The following CELSR2 variants were observed in gnomAD, a reference collection of about 807,000 sequenced individuals.
The protein encoded by CELSR2 is cadherin EGF LAG seven-pass G-type receptor 2.
In CELSR2, 81 loss-of-function variants were observed where a neutral mutation model predicts 251.6. That is an observed-to-expected ratio of 0.32 (90% CI 0.27 to 0.39). The LOEUF is 0.39. CELSR2 is among the 10% of genes least tolerant of loss of function. CELSR2 has a pLI of 1.00. For missense variants in CELSR2, 3,365 were observed against 3,947.7 expected (o/e 0.85, Z 3.96); for synonymous variants, 1,721 against 1,670.5 (o/e 1.03, Z -0.74).
rs751488741 is a variant in CELSR2, at chr1:109,252,761, G to A, written c.2682G>A (p.Val894=). 3.3e-5 allele frequency: 54 copies of A among 1,613,914 alleles called. No homozygotes were observed. The highest frequency in any genetic ancestry group is 4.2e-5 in the Non-Finnish European group (50 of 1,180,044). ...AGTATGTCTTGCGGGCATATGCAGT[G>A]GACAAGGGGATGCCCCCAGCCCGCA... is the stretch of plus-strand genomic sequence containing the variant. ...VAQYVLRAYA[V]DKGMPPARTP... is the part of the protein sequence containing the mutation. The change falls in exon 1 of 34, where the codon GTG becomes GTA. Residue 894 remains valine (V), a synonymous_variant. Transcript: ENST00000271332. This position sits in a 1 kb window ranked among gnomAD's most constrained non-coding sequence, Gnocchi z 4.8.
Position 109,250,098 on chromosome 1 carries a change from G to T in CELSR2, c.19G>T (p.Gly7Cys), listed in dbSNP as rs1655635367. MRSPAT[G>C]VPLPTPPPPL... The stretch of plus-strand genomic sequence containing the variant: ...GGGAGAGATGCGGAGCCCGGCCACC[G>T]GCGTCCCCCTCCCAACGCCGCCGCC... The change falls in exon 1 of 34, where the codon GGC (glycine) becomes TGC (cysteine). Residue 7 changes from glycine to cysteine, a missense_variant. Around this residue, in one of 5 missense-constraint regions of CELSR2, gnomAD observed 704 missense variants for 784.1 expected, o/e 0.90. Transcript: ENST00000271332. The surrounding 1 kb of genome is among the most constrained non-coding windows in gnomAD (Gnocchi z 4.4). The T allele has an allele frequency of 6.5e-7, 1 of 1,536,510 alleles. No individual in the cohort carries two copies. Among genetic ancestry groups the T allele is most frequent in the East Asian group, 2.5e-5 (1 of 40,052 alleles).
chr1:109,267,830 C>G, intron 16 of CELSR2, 21 bp from the exon 17 acceptor site: 1 of 1,591,824 alleles, frequency 6.3e-7, no homozygotes, highest in Non-Finnish European at 8.6e-7. Context: ...CACTCCTGCT[C>G]CTCCGCTCCG....
In CELSR2 at chr1:109,252,485, G is replaced by C; in HGVS notation, c.2406G>C (p.Glu802Asp). Residue 802 changes from glutamate (E) to aspartate (D), a missense_variant, in exon 1 of 34, where the codon GAG (glutamate) becomes GAC (aspartate). Physicochemically the swap from Glu to Asp is conservative, Grantham distance 45 (BLOSUM62 2). Around this residue, in one of 5 missense-constraint regions of CELSR2, gnomAD observed 505 missense variants for 660.0 expected, o/e 0.77. Coordinates refer to ENST00000271332, the MANE Select transcript of CELSR2 (RefSeq NM_001408.3). This position sits in a 1 kb window ranked among gnomAD's most constrained non-coding sequence, Gnocchi z 4.8. ...IPQKSDTTYLEILVNDVNDNA... is the reference protein window; with the variant it reads ...IPQKSDTTYLDILVNDVNDNA... ...AGAAGTCCGACACCACCTACCTGGA[G>C]ATCCTGGTGAACGACGTGAATGACA... 1 of 1,613,916 alleles carries C rather than the reference G, an allele frequency of 6.2e-7. No individual in the cohort carries two copies. The highest frequency in any genetic ancestry group is 8.5e-7 in the Non-Finnish European group (1 of 1,180,042).
chr1:109,261,118 C>T lies in CELSR2; in HGVS notation c.4035C>T (p.Asn1345=). ...GCAAGAATGGGGGCACCTGTGTCAA[C>T]CTGCTGGTGGGCGGTTTCAAGTGCG... ...GVCKNGGTCV[N]LLVGGFKCDC... The change falls in exon 3 of 34, where the codon AAC becomes AAT. Residue 1345 remains asparagine, a synonymous_variant. Coordinates refer to ENST00000271332, the MANE Select transcript of CELSR2 (RefSeq NM_001408.3). This position sits in a 1 kb window ranked among gnomAD's most constrained non-coding sequence, Gnocchi z 4.8. 2.5e-6 allele frequency: 4 copies of T among 1,614,178 alleles called. No homozygotes were observed. The highest frequency in any genetic ancestry group is 1.7e-6 in the Non-Finnish European group (2 of 1,180,016).
At chr1:109,255,555 C>A (rs757248405) in intron 1 of CELSR2, among the ~76,000 whole-genome samples, 1 of 152,246 alleles carries the variant, frequency 6.6e-6, no homozygotes, top group Non-Finnish European at 1.5e-5. Context: ...GCAGAGCCCT[C>A]TTGGCCTCCA....
rs1337772113 is a variant in CELSR2, at chr1:109,249,543, A to T, written c.-537A>T. The stretch of plus-strand genomic sequence containing the variant: ...ATGAGCCGCCGCCGCGACTCTGCAG[A>T]GCTCGCCCGCCCGCCGGGGAGGCGA... On this transcript the variant is annotated 5_prime_UTR_variant, in exon 1 of 34. Coordinates refer to ENST00000271332, the MANE Select transcript of CELSR2 (RefSeq NM_001408.3). Among the ~76,000 whole-genome samples the T allele has an allele frequency of 1.3e-5, 2 of 149,986 alleles. No individual in the cohort carries two copies. Among genetic ancestry groups the T allele is most frequent in the East Asian group, 4.1e-4 (2 of 4,936 alleles).
Position 109,263,627 on chromosome 1 carries a change from G to A in CELSR2, c.4851G>A (p.Gln1617=), listed in dbSNP as rs1314453403. The change falls in exon 9 of 34, where the codon CAG becomes CAA. Residue 1617 remains glutamine, a synonymous_variant. Coordinates refer to ENST00000271332, the MANE Select transcript of CELSR2 (RefSeq NM_001408.3). Reference sequence around the variant, plus strand: ...CCTCCCCAGAAATGGCCAATCCACAGCACTTCCTGGGCAGCAGCCTGGTGG... The same window carrying A: ...CCTCCCCAGAAATGGCCAATCCACAACACTTCCTGGGCAGCAGCCTGGTGG... ...KSCAQEMANP[Q]HFLGSSLVAW... is the part of the protein sequence containing the mutation. The A allele has an allele frequency of 1.2e-6, 2 of 1,613,958 alleles. No homozygotes were observed.
In CELSR2 at chr1:109,264,420, C is replaced by A. The variant is rs200476125; in HGVS notation, c.5290-34C>A. 1.2e-4 allele frequency: 189 copies of A among 1,599,816 alleles called. No individual in the cohort carries two copies. In the East Asian group the frequency reaches 4.0e-3, roughly 34 times the overall value. ...CTCCCCCACCACCTGCAGCCCCGCT[C>A]CACTGAGGGCAACACTGCTCCTGTC... is the stretch of plus-strand genomic sequence containing the variant. On this transcript the variant is annotated intron_variant, in intron 10 of 33. Transcript: ENST00000271332.
Position 109,251,842 on chromosome 1 carries a change from C to G in CELSR2, c.1763C>G (p.Pro588Arg). 6.2e-7 allele frequency: 1 copy of G among 1,614,148 alleles called. No individual in the cohort carries two copies. The highest frequency in any genetic ancestry group is 2.2e-5 in the East Asian group (1 of 44,876). Residue 588 changes from proline to arginine, a missense_variant, in exon 1 of 34, where the codon CCA becomes CGA. This residue lies in a region of CELSR2 where 704 missense variants were observed against 784.1 expected (regional missense o/e 0.90). Transcript: ENST00000271332. This position sits in a 1 kb window ranked among gnomAD's most constrained non-coding sequence, Gnocchi z 4.9. ...FGVEARDHGTPALTASASVSV... is the reference protein window; with the variant it reads ...FGVEARDHGTRALTASASVSV... ...GTAGAAGCTCGAGACCATGGCACTC[C>G]AGCACTCACTGCCTCGGCCAGTGTC...
rs182349081 is a variant in CELSR2 at position 109,260,598 on chromosome 1, C to T, written c.3959-444C>T. On this transcript the variant is annotated intron_variant, in intron 2 of 33. Transcript: ENST00000271332. ...TGGGAAGGAGGGAGGAGGGAGGCTC[C>T]CAGCCCTCCCGCTGTCCTGCAGGCC... Among the ~76,000 whole-genome samples the T allele has an allele frequency of 2.8e-3, 427 of 152,252 alleles. 2 individuals are homozygous for T. The highest frequency in any genetic ancestry group is 9.8e-3 in the African/African-American group (409 of 41,544).
Position 109,274,343 on chromosome 1 carries a change from C to G in CELSR2, c.*294C>G. The G allele has an allele frequency of 1.7e-6, 1 of 580,928 alleles. No individual in the cohort carries two copies. Among genetic ancestry groups the G allele is most frequent in the Non-Finnish European group, 2.9e-6 (1 of 347,516 alleles). 36.0% of individuals were successfully genotyped at this position (580,928 alleles called of 1,614,324 possible). Reference sequence around the variant, plus strand: ...GGAAAAAAAGAATTTAAAAAAGGATCTCCACTCTTCATGACTTCAGGGATT... The same window carrying G: ...GGAAAAAAAGAATTTAAAAAAGGATGTCCACTCTTCATGACTTCAGGGATT... On this transcript the variant is annotated 3_prime_UTR_variant, in exon 34 of 34. Coordinates refer to ENST00000271332, the MANE Select transcript of CELSR2 (RefSeq NM_001408.3).
intron 1 of CELSR2, among the ~76,000 whole-genome samples, chr1:109,256,479 C>T (rs963436302): frequency 1.3e-5 from 2 of 152,136 alleles, no homozygotes; most frequent in African/African-American, 2.4e-5. Flanking sequence ...GCTGAGCCAC[C>T]GCTGGTACAG....
intron 1 of CELSR2, among the ~76,000 whole-genome samples, 176 bp from the exon 2 acceptor site, chr1:109,258,256 G>A (rs1242526373): frequency 6.6e-6 from 1 of 152,138 alleles, no homozygotes; most frequent in African/African-American, 2.4e-5. Flanking sequence ...AGGATGCAAA[G>A]AGAACTGCAA....
In CELSR2 at chr1:109,269,846, A is replaced by T. The variant is rs2101275859; in HGVS notation, c.7107+26A>T. The T allele has an allele frequency of 6.2e-7, 1 of 1,612,800 alleles. No homozygotes were observed. The highest frequency in any genetic ancestry group is 1.3e-5 in the African/African-American group (1 of 74,972). ...GTCGGGCCCACAGGGGCAGCTGCAG[A>T]GCCGTGGGTGGGCACCCAGGGCACG... On this transcript the variant is annotated intron_variant, in intron 22 of 33. Coordinates refer to ENST00000271332, the MANE Select transcript of CELSR2 (RefSeq NM_001408.3). The surrounding 1 kb of genome is among the most constrained non-coding windows in gnomAD (Gnocchi z 6.4).
rs1308349471 is a variant in CELSR2 at position 109,249,817 on chromosome 1, G to C, written c.-263G>C. On this transcript the variant is annotated 5_prime_UTR_variant, in exon 1 of 34. Transcript: ENST00000271332. ...GGCGCAGGTGGTGAGTGCCCGGAGCGCAGGTGGAGGCGCGGCGGCAGCCCG... is the reference window on the plus strand; with the variant it reads ...GGCGCAGGTGGTGAGTGCCCGGAGCCCAGGTGGAGGCGCGGCGGCAGCCCG... Among the ~76,000 whole-genome samples, 2 of 150,066 alleles carry C rather than the reference G, an allele frequency of 1.3e-5. No homozygotes were observed. Among genetic ancestry groups the C allele is most frequent in the Non-Finnish European group, 3.0e-5 (2 of 67,216 alleles).
chr1:109,263,148 C>G lies in CELSR2; in HGVS notation c.4715C>G (p.Pro1572Arg). 1 of 1,597,264 alleles carries G rather than the reference C, an allele frequency of 6.3e-7. No individual in the cohort carries two copies. Among genetic ancestry groups the G allele is most frequent in the Non-Finnish European group, 8.6e-7 (1 of 1,166,294 alleles). The change falls in exon 8 of 34, where the codon CCT (proline) becomes CGT (arginine). Residue 1572 changes from proline (P) to arginine (R), a missense_variant. Coordinates refer to ENST00000271332, the MANE Select transcript of CELSR2 (RefSeq NM_001408.3). Reference protein sequence around the residue: ...IANNGTVPGCPAKKNVCDSNT... With the variant: ...IANNGTVPGCRAKKNVCDSNT... ...TGCCTTCTCTCCATTCCAGGCTGCC[C>G]TGCCAAGAAGAACGTGTGTGACAGC...
chr1:109,251,177 G>T lies in CELSR2; in HGVS notation c.1098G>T (p.Thr366=), dbSNP rs755549032. 2 of 1,613,568 alleles carry T rather than the reference G, an allele frequency of 1.2e-6. No homozygotes were observed. The highest frequency in any genetic ancestry group is 8.5e-7 in the Non-Finnish European group (1 of 1,180,008). ...AAGAGGTGGAATCCTACCAGCTGACGGTAGAGGCAAGTGACCAGGGTCGGG... is the reference window on the plus strand; with the variant it reads ...AAGAGGTGGAATCCTACCAGCTGACTGTAGAGGCAAGTGACCAGGGTCGGG... ...DREEVESYQL[T]VEASDQGRDP... The change falls in exon 1 of 34, where the codon ACG becomes ACT. Residue 366 remains threonine, a synonymous_variant. Coordinates refer to ENST00000271332, the MANE Select transcript of CELSR2 (RefSeq NM_001408.3). The surrounding 1 kb of genome is among the most constrained non-coding windows in gnomAD (Gnocchi z 4.9).
rs1384619604 is a variant in CELSR2 at position 109,272,914 on chromosome 1, G to A, written c.8225G>A (p.Ser2742Asn). 4 of 1,613,876 alleles carry A rather than the reference G, an allele frequency of 2.5e-6. No individual in the cohort carries two copies. The highest frequency in any genetic ancestry group is 3.4e-6 in the Non-Finnish European group (4 of 1,179,952). Residue 2742 changes from serine (S) to asparagine (N), a missense_variant, in exon 31 of 34, where the codon AGT becomes AAT. Coordinates refer to ENST00000271332, the MANE Select transcript of CELSR2 (RefSeq NM_001408.3). The stretch of plus-strand genomic sequence containing the variant: ...TATGCCTCTACCCACTCATCAGACA[G>A]TGAGGAGGAAGAAGAGGAGGAGGAA... ...GSYASTHSSD[S>N]EEEEEEEEEE...
At chr1:109,266,367 C>G in intron 15 of CELSR2, 161 bp downstream of exon 15, 1 of 825,738 alleles carries the variant, frequency 1.2e-6, no homozygotes, top group Non-Finnish European at 1.8e-6. Flanking sequence ...TCCCCCTTCC[C>G]CATGTTGCCC....
Sources: allele counts gnomAD v4.1 joint callset (sites outside exome capture counted in the v4.1 genomes callset), GRCh38; gene constraint gnomAD v4.1.1; regional missense constraint gnomAD v4.1.1; non-coding constraint Gnocchi (gnomAD v3.1); transcripts MANE v1.5; gene names NCBI Gene and HGNC (gene_info 2026-07-23, HGNC 2026-07-21).